TMTC3: variants seen among roughly 807,000 people sequenced by gnomAD.
TMTC3 encodes transmembrane O-mannosyltransferase targeting cadherins 3, also known as protein O-mannosyl-transferase TMTC3.
TMTC3 carries 52 observed loss-of-function variants against 92.2 expected under a neutral mutation model. The ratio of observed to expected loss-of-function variants is 0.56; its 90% CI spans 0.45 to 0.71. The LOEUF (loss-of-function observed/expected upper bound fraction) is 0.71. Among genes scored for constraint, TMTC3 ranks in the 30% least tolerant of loss-of-function variants. TMTC3 has a pLI of 0.00. For missense variants in TMTC3, 896 were observed against 1,057.1 expected (o/e 0.85, Z 2.11); for synonymous variants, 339 against 363.3 (o/e 0.93, Z 0.76).
At position 88,195,352 on chromosome 12, in the gene TMTC3, TA is replaced by T. The variant is rs2041498602; in HGVS notation, c.2450del (p.Lys817ArgfsTer8). 1 of 1,613,796 alleles carries T rather than the reference TA, an allele frequency of 6.2e-7. No individual in the cohort carries two copies. The highest frequency in any genetic ancestry group is 8.5e-7 in the Non-Finnish European group (1 of 1,179,906). ...AGCGCCATTTGAATATAGTCAGGGA[TA>T]AGATTTCCTCATCTAGTTTTATAGA... ...IQRHLNIVRD[K>X]ISSSSFIEPI... On this transcript the variant is annotated frameshift_variant, in exon 14 of 14. Transcript: ENST00000266712. LOFTEE classifies it high-confidence loss of function.
chr12:88,195,522 A>C lies in TMTC3; in HGVS notation c.2618A>C (p.Gln873Pro). 6.2e-7 allele frequency: 1 copy of C among 1,613,480 alleles called. No individual in the cohort carries two copies. The highest frequency in any genetic ancestry group is 8.5e-7 in the Non-Finnish European group (1 of 1,179,752). The change falls in exon 14 of 14, where the codon CAA (glutamine) becomes CCA (proline). Residue 873 changes from glutamine to proline, a missense_variant. Transcript: ENST00000266712. Reference sequence around the variant, plus strand: ...AAAAGTCAGTCTAAATCCAACAAACAATTAGGAAAAAATGGAGACGAAGAG... The same window carrying C: ...AAAAGTCAGTCTAAATCCAACAAACCATTAGGAAAAAATGGAGACGAAGAG... ...DNKSQSKSNK[Q>P]LGKNGDEETP...
At chr12:88,143,144 G>T (rs1166819068) in intron 1 of TMTC3, among the ~76,000 whole-genome samples, 1 of 150,800 alleles carries the variant, frequency 6.6e-6, no homozygotes. Context: ...CAACTATCTG[G>T]ACCAGTGCTT....
At position 88,176,326 on chromosome 12, in the gene TMTC3, A is replaced by T. The variant is rs1470790560; in HGVS notation, c.1432+7A>T. The T allele has an allele frequency of 6.4e-7, 1 of 1,554,874 alleles. No individual in the cohort carries two copies. On this transcript the variant is annotated splice_region_variant and intron_variant, in intron 10 of 13. Transcript: ENST00000266712. ...GCTACCCATGTTCAGCCAGGTAAGC[A>T]TTATTAACTAATAAAATCATGAATT...
intron 1 of TMTC3, 58 bp downstream of exon 1, chr12:88,142,545 T>TA (rs1227207072): frequency 6.6e-6 from 1 of 152,354 alleles, no homozygotes; most frequent in East Asian, 1.9e-4. Flanking sequence ...AGTCCTGGGT[T>TA]AGAGAAGCTT....
intron 7 of TMTC3, among the ~76,000 whole-genome samples, chr12:88,169,534 G>A (rs1416247053): frequency 6.6e-6 from 1 of 152,058 alleles, no homozygotes; most frequent in Non-Finnish European, 1.5e-5. Context: ...CTCTGGAAGG[G>A]ATAAGTAGAA....
At chr12:88,167,518 T>C (rs761138172) in intron 7 of TMTC3, among the ~76,000 whole-genome samples, 1 of 152,228 alleles carries the variant, frequency 6.6e-6, no homozygotes, top group African/African-American at 2.4e-5. Flanking sequence ...TTTTTTGCTG[T>C]AGCTGCTAGA....
intron 2 of TMTC3, 81 bp from the exon 3 acceptor site, chr12:88,153,210 T>TAATGGTA (rs2040964301): frequency 1.2e-6 from 1 of 800,898 alleles, no homozygotes; most frequent in Non-Finnish European, 2.0e-6. Flanking sequence ...TTAATATCTT[T>TAATGGTA]AATGGTAAAT....
intron 8 of TMTC3, 51 bp downstream of exon 8, chr12:88,172,796 C>T (rs2041220053): frequency 6.4e-7 from 1 of 1,554,742 alleles, no homozygotes; most frequent in African/African-American, 1.4e-5. Context: ...TTAAGTGTGA[C>T]ACATTTTAAA....
intron 10 of TMTC3, among the ~76,000 whole-genome samples, chr12:88,178,687 A>C (rs1312792217): frequency 6.6e-6 from 1 of 152,172 alleles, no homozygotes; most frequent in Non-Finnish European, 1.5e-5. Context: ...ATTTTAATTA[A>C]TTACTTTCTT....
chr12:88,194,907 C>CT lies in TMTC3; in HGVS notation c.2004dup (p.Asn669Ter), dbSNP rs1268102669. 6.2e-7 allele frequency: 1 copy of CT among 1,613,540 alleles called. No individual in the cohort carries two copies. The highest frequency in any genetic ancestry group is 8.5e-7 in the Non-Finnish European group (1 of 1,179,840). ...TATATAAATGAAGAGCCACTAGATG[C>CT]TAATGGGTATTTCAATTTGGGAATG... On this transcript the variant is annotated frameshift_variant, in exon 14 of 14. Coordinates refer to ENST00000266712, the MANE Select transcript of TMTC3 (RefSeq NM_181783.4). LOFTEE classifies it high-confidence loss of function.
At chr12:88,145,346 A>C (rs924876346) in intron 1 of TMTC3, among the ~76,000 whole-genome samples, 1 of 152,172 alleles carries the variant, frequency 6.6e-6, no homozygotes, top group Admixed American at 6.5e-5. Flanking sequence ...CTGCACACTC[A>C]TTCTTGTCCA....
intron 10 of TMTC3, among the ~76,000 whole-genome samples, chr12:88,181,545 G>T (rs1171626707): frequency 3.3e-5 from 5 of 152,038 alleles, no homozygotes; most frequent in Non-Finnish European, 7.4e-5. Flanking sequence ...ATTGCCATAA[G>T]CCAGTGGGCC....
chr12:88,149,529 GA>G (rs2040915626), intron 2 of TMTC3, among the ~76,000 whole-genome samples: 1 of 152,034 alleles, frequency 6.6e-6, no homozygotes, highest in African/African-American at 2.4e-5. Context: ...TGGAAAAGTA[GA>G]ATAAAAACAT....
At position 88,158,686 on chromosome 12, in the gene TMTC3, A is replaced by C. The variant is rs1320390442; in HGVS notation, c.509-1428A>C. 2.4e-5 allele frequency among the ~76,000 whole-genome samples: 3 copies of C among 124,604 alleles called. No homozygotes were observed. The South Asian group carries it at 7.8e-4, about 33-fold the overall frequency. 81.7% of individuals were successfully genotyped at this position (124,604 alleles called of 152,430 possible). A position where few individuals can be genotyped will look rare whatever the true frequency, so the allele number is the denominator to read the frequency against. On this transcript the variant is annotated intron_variant, in intron 4 of 13. Coordinates refer to ENST00000266712, the MANE Select transcript of TMTC3 (RefSeq NM_181783.4). Reference sequence around the variant, plus strand: ...GTGACAGAAGAAAATGTATTCATGAATTCTGTTCTTGTTTATATTTAGATT... The same window carrying C: ...GTGACAGAAGAAAATGTATTCATGACTTCTGTTCTTGTTTATATTTAGATT...
rs375857927 is a variant in TMTC3, at chr12:88,192,014, CT to C, written c.1707-577del. 1.6e-3 allele frequency among the ~76,000 whole-genome samples: 179 copies of C among 112,200 alleles called. 1 individual carries two copies. The highest frequency in any genetic ancestry group is 8.2e-3 in the East Asian group (35 of 4,290). The allele number at this position is 112,200 out of a possible 152,430, so 73.6% of individuals were successfully genotyped here. ...ACGAGCCACCATGCCCAGCATTTTT[CT>C]TTTTTTTTTTTTCTTTTTTTTTTTT... On this transcript the variant is annotated intron_variant, in intron 12 of 13. Coordinates refer to ENST00000266712, the MANE Select transcript of TMTC3 (RefSeq NM_181783.4).
At chr12:88,184,396 T>G (rs2041353020) in intron 10 of TMTC3, among the ~76,000 whole-genome samples, 1 of 152,256 alleles carries the variant, frequency 6.6e-6, no homozygotes, top group Non-Finnish European at 1.5e-5. Flanking sequence ...TCTCTCAGAC[T>G]CCTGATAAGA....
chr12:88,151,355 A>G (rs1224293398), intron 2 of TMTC3, among the ~76,000 whole-genome samples: 1 of 152,186 alleles, frequency 6.6e-6, no homozygotes, highest in African/African-American at 2.4e-5. Flanking sequence ...TCACATTAAC[A>G]GGGAACTGTT....
chr12:88,176,173 A>G (rs768343335), intron 9 of TMTC3, 35 bp from the exon 10 acceptor site: 1 of 1,409,080 alleles, frequency 7.1e-7, no homozygotes, highest in Middle Eastern at 2.2e-4. Context: ...ATTTTTTTTT[A>G]ATTGTAACTT....
intron 9 of TMTC3, among the ~76,000 whole-genome samples, 153 bp downstream of exon 9, chr12:88,174,880 A>G (rs1049161100): frequency 6.6e-6 from 1 of 152,162 alleles, no homozygotes; most frequent in African/African-American, 2.4e-5. Flanking sequence ...GTTGTTTAAC[A>G]TAATGCCATA....
Sources: allele counts gnomAD v4.1 joint callset (sites outside exome capture counted in the v4.1 genomes callset), GRCh38; gene constraint gnomAD v4.1.1; transcripts MANE v1.5; gene names NCBI Gene and HGNC (gene_info 2026-07-23, HGNC 2026-07-21).